PTPRN2: variants seen among roughly 807,000 people sequenced by gnomAD.
The protein encoded by PTPRN2 is receptor-type tyrosine-protein phosphatase N2.
In PTPRN2, 74 loss-of-function variants were observed where a neutral mutation model predicts 118.8. The ratio of observed to expected loss-of-function variants is 0.62; its 90% CI spans 0.52 to 0.76. PTPRN2 has a LOEUF of 0.76. Ranked by LOEUF, PTPRN2 falls within the 30% of genes least tolerant of loss-of-function variation. PTPRN2 has a pLI of 0.00. For missense variants in PTPRN2, 1,481 were observed against 1,394.4 expected (o/e 1.06, Z -0.99); for synonymous variants, 641 against 608.0 (o/e 1.05, Z -0.80).
intron 11 of PTPRN2, among the ~76,000 whole-genome samples, chr7:157,948,782 C>T (rs923353457): frequency 6.6e-6 from 1 of 152,126 alleles, no homozygotes; most frequent in Non-Finnish European, 1.5e-5. Context: ...AAAATAAATG[C>T]CCATTGAAGT....
Position 158,166,910 on chromosome 7 carries a change from C to T in PTPRN2, c.910+21G>A. On this transcript the variant is annotated intron_variant, in intron 6 of 22. Transcript: ENST00000389418. The stretch of plus-strand genomic sequence containing the variant: ...CAGAGGACAGTCAGCAAACAAGAAA[C>T]ACCAAGCGGGGCTGGCTCACCATCG... 10 of 1,420,430 alleles carry T rather than the reference C, an allele frequency of 7.0e-6. No individual in the cohort carries two copies. In the South Asian group the frequency reaches 1.5e-4, roughly 21 times the overall value. The allele number at this position is 1,420,430 out of a possible 1,614,324, so 88.0% of individuals were successfully genotyped here.
At chr7:158,026,041 A>G (rs1807239151) in intron 11 of PTPRN2, among the ~76,000 whole-genome samples, 1 of 152,244 alleles carries the variant, frequency 6.6e-6, no homozygotes, top group Non-Finnish European at 1.5e-5. Context: ...GCTCAGGTGC[A>G]GCTGCTCTGT....
At chr7:158,340,802 T>A (rs112951825) in intron 2 of PTPRN2, among the ~76,000 whole-genome samples, 1 of 81,924 alleles carries the variant, frequency 1.2e-5, no homozygotes, top group Admixed American at 1.2e-4. Flanking sequence ...CAGACGTCAC[T>A]CACACCCACA....
At position 158,334,590 on chromosome 7, in the gene PTPRN2, C is replaced by A. The variant is rs1422558867; in HGVS notation, c.164-17658G>T. ...CTCTCGCCCACAGAGGTCACTCACA[C>A]CCACACTCTCACCATAAGAGCCGAC... is the stretch of plus-strand genomic sequence containing the variant. On this transcript the variant is annotated intron_variant, in intron 2 of 22. Transcript: ENST00000389418. Among the ~76,000 whole-genome samples, 11 of 109,196 alleles carry A rather than the reference C, an allele frequency of 1.0e-4. 2 individuals carry two copies. Among genetic ancestry groups the A allele is most frequent in the African/African-American group, 2.9e-4 (9 of 31,464 alleles). 71.6% of individuals were successfully genotyped at this position (109,196 alleles called of 152,430 possible).
intron 11 of PTPRN2, among the ~76,000 whole-genome samples, chr7:157,970,091 A>C (rs1225767365): frequency 6.6e-6 from 1 of 151,278 alleles, no homozygotes; most frequent in Non-Finnish European, 1.5e-5. Context: ...CCAGGAACAC[A>C]CAGGGAAAGG....
At chr7:158,286,030 G>T (rs1799747733) in intron 3 of PTPRN2, among the ~76,000 whole-genome samples, 1 of 152,178 alleles carries the variant, frequency 6.6e-6, no homozygotes, top group African/African-American at 2.4e-5. Context: ...TTTATCAACA[G>T]CCATCGGGAA....
chr7:158,379,086 A>G (rs537238131), intron 2 of PTPRN2, among the ~76,000 whole-genome samples: 2 of 152,280 alleles, frequency 1.3e-5, no homozygotes, highest in Admixed American at 6.5e-5. Flanking sequence ...CAGGGGCTGC[A>G]CCTGCCAGGC....
intron 11 of PTPRN2, among the ~76,000 whole-genome samples, chr7:158,078,116 C>T (rs907527799): frequency 5.3e-5 from 8 of 152,200 alleles, no homozygotes; most frequent in African/African-American, 9.7e-5. Flanking sequence ...CCTTCTCATT[C>T]GGCATCAATA....
At chr7:158,048,739 ATCAC>A (rs1318302817) in intron 11 of PTPRN2, among the ~76,000 whole-genome samples, 1 of 152,118 alleles carries the variant, frequency 6.6e-6, no homozygotes, top group Non-Finnish European at 1.5e-5. Flanking sequence ...CATCACCATC[ATCAC>A]TATCACCAAC....
intron 1 of PTPRN2, among the ~76,000 whole-genome samples, chr7:158,581,839 T>C (rs77204371): frequency 0.02 from 3,044 of 152,368 alleles, 57 homozygotes; most frequent in Middle Eastern, 0.031. Flanking sequence ...TCAAGACAAA[T>C]GCAGCTCGGT....
chr7:158,139,495 G>A (rs933999108), intron 6 of PTPRN2, among the ~76,000 whole-genome samples: 2 of 147,772 alleles, frequency 1.4e-5, no homozygotes, highest in African/African-American at 5.4e-5. Flanking sequence ...GAGGGCACGG[G>A]GGGGTGGGAA....
At chr7:157,768,488 T>A (rs576264547) in intron 12 of PTPRN2, among the ~76,000 whole-genome samples, 1 of 152,190 alleles carries the variant, frequency 6.6e-6, no homozygotes, top group African/African-American at 2.4e-5. Flanking sequence ...ATCCCGGCCA[T>A]GAGAGCACGC....
intron 8 of PTPRN2, 74 bp downstream of exon 8, chr7:158,136,581 T>C: frequency 6.9e-7 from 1 of 1,457,158 alleles, no homozygotes. Flanking sequence ...TTCATAAATG[T>C]TCCCACACCA....
intron 4 of PTPRN2, among the ~76,000 whole-genome samples, chr7:158,202,746 A>T (rs1427007906): frequency 6.6e-6 from 1 of 152,250 alleles, no homozygotes; most frequent in African/African-American, 2.4e-5. Flanking sequence ...ACAGAATGGT[A>T]AGAGCTGTTT....
At chr7:158,132,442 A>G (rs1818422479) in intron 9 of PTPRN2, among the ~76,000 whole-genome samples, 1 of 138,096 alleles carries the variant, frequency 7.2e-6, no homozygotes, top group Admixed American at 7.6e-5. Context: ...ACACATACAT[A>G]TGCACAAACA....
intron 14 of PTPRN2, among the ~76,000 whole-genome samples, chr7:157,635,754 C>G (rs1329475901): frequency 3.3e-5 from 5 of 152,110 alleles, no homozygotes. Flanking sequence ...CAGACTCTCA[C>G]CCCAGCCAGG....
chr7:158,584,436 A>G (rs1277615163), intron 1 of PTPRN2, among the ~76,000 whole-genome samples: 2 of 152,228 alleles, frequency 1.3e-5, no homozygotes, highest in Non-Finnish European at 2.9e-5. Context: ...ACTGAAGCAT[A>G]TGAAGAAAAG....
intron 10 of PTPRN2, among the ~76,000 whole-genome samples, chr7:158,085,326 A>ACC (rs1791422338): frequency 1.7e-5 from 2 of 116,512 alleles, no homozygotes; most frequent in Admixed American, 8.6e-5. Flanking sequence ...GCCCATTCAC[A>ACC]CATGCCCATC....
intron 9 of PTPRN2, among the ~76,000 whole-genome samples, chr7:158,121,081 T>C (rs1817136218): frequency 6.6e-6 from 1 of 152,178 alleles, no homozygotes; most frequent in Non-Finnish European, 1.5e-5. Flanking sequence ...TCCCGGCTCC[T>C]GTGCTCCCCA....
Sources: allele counts gnomAD v4.1 joint callset (sites outside exome capture counted in the v4.1 genomes callset), GRCh38; gene constraint gnomAD v4.1.1; transcripts MANE v1.5; gene names NCBI Gene and HGNC (gene_info 2026-07-23, HGNC 2026-07-21).